The following MYO1E variants were observed in gnomAD, a reference collection of about 807,000 sequenced individuals.
The protein encoded by MYO1E is unconventional myosin-Ie.
In MYO1E, 68 loss-of-function variants were observed where a neutral mutation model predicts 151.1. The observed-to-expected ratio is 0.45, with a 90% CI of 0.37 to 0.55. MYO1E has a LOEUF of 0.55. MYO1E is among the 20% of genes least tolerant of loss of function. The probability of loss-of-function intolerance (pLI) is 0.00; values close to 1 mark genes in which losing one functional copy is unlikely to be tolerated. For missense variants in MYO1E, 1,363 were observed against 1,389.3 expected (o/e 0.98, Z 0.30); for synonymous variants, 601 against 501.7 (o/e 1.20, Z -2.64).
chr15:59,207,491 T>G, intron 14 of MYO1E: 1 of 1,613,894 alleles, frequency 6.2e-7, no homozygotes, highest in Non-Finnish European at 8.5e-7. Flanking sequence ...AAACTGATTA[T>G]TGTTTCCAAT....
intron 2 of MYO1E, 83 bp from the exon 3 acceptor site, chr15:59,261,592 T>C: frequency 1.1e-6 from 1 of 920,738 alleles, no homozygotes; most frequent in Non-Finnish European, 1.8e-6. Context: ...TTATCAAGAA[T>C]TCACAATGAC....
chr15:59,294,982 G>A (rs1274952120), intron 1 of MYO1E, among the ~76,000 whole-genome samples: 1 of 152,070 alleles, frequency 6.6e-6, no homozygotes, highest in Non-Finnish European at 1.5e-5. Context: ...CGGTAATCTT[G>A]TCTGTCCTCT....
intron 1 of MYO1E, among the ~76,000 whole-genome samples, chr15:59,317,138 G>A (rs528913222): frequency 9.1e-4 from 138 of 152,204 alleles, no homozygotes; most frequent in Middle Eastern, 6.8e-3. Flanking sequence ...CCATCTACTC[G>A]ATAAATATTG....
At chr15:59,145,443 T>C (rs1287022045) in intron 26 of MYO1E, among the ~76,000 whole-genome samples, 1 of 152,072 alleles carries the variant, frequency 6.6e-6, no homozygotes, top group Non-Finnish European at 1.5e-5. Flanking sequence ...GCTCATCATT[T>C]ATCTCTTCCT....
At chr15:59,164,098 C>T (rs1455219259) in intron 22 of MYO1E, among the ~76,000 whole-genome samples, 1 of 152,168 alleles carries the variant, frequency 6.6e-6, no homozygotes, top group African/African-American at 2.4e-5. Context: ...GACCCAGCTC[C>T]GAGGAAACGC....
At chr15:59,317,042 A>G (rs2080593380) in intron 1 of MYO1E, among the ~76,000 whole-genome samples, 1 of 152,196 alleles carries the variant, frequency 6.6e-6, no homozygotes, top group South Asian at 2.1e-4. Context: ...CTTCCTCCCT[A>G]GGCAGAGAAA....
intron 17 of MYO1E, among the ~76,000 whole-genome samples, chr15:59,194,248 G>A (rs2079752153): frequency 6.6e-6 from 1 of 152,090 alleles, no homozygotes. Context: ...CTGAAAAGAT[G>A]GCAGCTCTTA....
chr15:59,274,390 G>T (rs1467065459), intron 1 of MYO1E, among the ~76,000 whole-genome samples: 1 of 152,158 alleles, frequency 6.6e-6, no homozygotes, highest in Non-Finnish European at 1.5e-5. Flanking sequence ...TCCATTGAAT[G>T]CCCATGGTCT....
intron 4 of MYO1E, among the ~76,000 whole-genome samples, chr15:59,252,346 G>C (rs1489102153): frequency 6.6e-6 from 1 of 152,180 alleles, no homozygotes; most frequent in African/African-American, 2.4e-5. Flanking sequence ...ACTTTCGGAA[G>C]CTGAGGTAGG....
At chr15:59,164,598 G>C (rs2079554280) in intron 22 of MYO1E, among the ~76,000 whole-genome samples, 1 of 152,198 alleles carries the variant, frequency 6.6e-6, no homozygotes, top group African/African-American at 2.4e-5. Flanking sequence ...GAATCTTTGA[G>C]ACCCTGGATC....
chr15:59,275,840 T>C (rs1049885354), intron 1 of MYO1E, among the ~76,000 whole-genome samples: 2 of 152,164 alleles, frequency 1.3e-5, no homozygotes, highest in Non-Finnish European at 2.9e-5. Context: ...CCAGGGAAGC[T>C]GAAAAGTTCC....
At chr15:59,251,338 T>C (rs1376798692) in intron 4 of MYO1E, among the ~76,000 whole-genome samples, 4 of 152,166 alleles carry the variant, frequency 2.6e-5, no homozygotes, top group Non-Finnish European at 4.4e-5. Flanking sequence ...ATGTAAATGA[T>C]GTCTGTAGGA....
chr15:59,160,332 AGTGC>A (rs1203414377), intron 24 of MYO1E, among the ~76,000 whole-genome samples: 2 of 117,112 alleles, frequency 1.7e-5, no homozygotes, highest in African/African-American at 6.9e-5. Context: ...GGTTTGAGGT[AGTGC>A]GTGTGTGTGT....
chr15:59,158,871 G>A (rs142595447), intron 24 of MYO1E, among the ~76,000 whole-genome samples: 54 of 152,286 alleles, frequency 3.5e-4, no homozygotes, highest in African/African-American at 1.3e-3. Context: ...AGACCACAAG[G>A]AGGAGAAGCA....
chr15:59,149,304 C>T (rs2079462577), intron 26 of MYO1E, among the ~76,000 whole-genome samples: 1 of 152,228 alleles, frequency 6.6e-6, no homozygotes, highest in East Asian at 1.9e-4. Context: ...GATCCACCCA[C>T]CTCGGCCTCC....
chr15:59,309,891 T>C (rs2140409688), intron 1 of MYO1E, among the ~76,000 whole-genome samples: 1 of 152,264 alleles, frequency 6.6e-6, no homozygotes, highest in East Asian at 1.9e-4. Context: ...CCCACCACAT[T>C]TGTAAATAGG....
intron 12 of MYO1E, among the ~76,000 whole-genome samples, chr15:59,213,701 T>TGA (rs1293204079): frequency 5.9e-5 from 9 of 151,860 alleles, no homozygotes; most frequent in Middle Eastern, 3.4e-3. Context: ...GCTCAAGCAA[T>TGA]TCTCCCGACT....
intron 22 of MYO1E, among the ~76,000 whole-genome samples, chr15:59,170,117 C>T (rs1234416772): frequency 2.0e-5 from 3 of 152,066 alleles, no homozygotes; most frequent in African/African-American, 4.8e-5. Flanking sequence ...GCTGAGATCA[C>T]GCCACTGCAC....
At chr15:59,205,049 A>C (rs1339282708) in intron 15 of MYO1E, among the ~76,000 whole-genome samples, 1 of 152,266 alleles carries the variant, frequency 6.6e-6, no homozygotes, top group African/African-American at 2.4e-5. Flanking sequence ...TAGAGAAAAG[A>C]AAGCTATTTT....
Sources: allele counts gnomAD v4.1 joint callset (sites outside exome capture counted in the v4.1 genomes callset), GRCh38; gene constraint gnomAD v4.1.1; transcripts MANE v1.5; gene names NCBI Gene and HGNC (gene_info 2026-07-23, HGNC 2026-07-21).